The following NRK variants were observed in gnomAD, a reference collection of about 807,000 sequenced individuals.
The protein encoded by NRK is Nik related kinase.
Under a neutral mutation model 125.2 loss-of-function variants are expected in NRK, and 67 were observed. The ratio of observed to expected loss-of-function variants is 0.54; its 90% CI spans 0.44 to 0.66. The LOEUF (loss-of-function observed/expected upper bound fraction) is 0.66, where lower values mean the gene tolerates loss of function less well. Among genes scored for constraint, NRK ranks in the 30% least tolerant of loss-of-function variants. The pLI is 0.00. For synonymous variants in NRK, 458 were observed against 429.0 expected (o/e 1.07, Z -0.84); for missense variants, 1,224 against 1,192.9 (o/e 1.03, Z -0.38).
At chrX:105,907,058 A>G (rs1056157786) in intron 11 of NRK, 2 of 110,936 alleles carry the variant, frequency 1.8e-5, no homozygotes, top group African/African-American at 6.6e-5. Context: ...TGTGCACCAT[A>G]CAAAGCTTGT....
At chrX:105,878,132 C>G (rs1040014397) in intron 2 of NRK, among the ~76,000 whole-genome samples, 2 of 110,415 alleles carry the variant, frequency 1.8e-5, no homozygotes, top group African/African-American at 6.6e-5. Flanking sequence ...TTTGTGCATA[C>G]AGATGTGGAA....
intron 2 of NRK, among the ~76,000 whole-genome samples, chrX:105,833,868 A>G (rs147883385): frequency 0.015 from 1,626 of 111,103 alleles, 11 homozygotes; most frequent in Non-Finnish European, 0.02. Context: ...TGGTTTCCCA[A>G]CTGGTGTACT....
In NRK at chrX:105,936,435, A is replaced by G. The variant is rs12686868; in HGVS notation, c.3656-1004A>G. Reference sequence around the variant, plus strand: ...TAAAAGATTATAGTAAAAATTGGCTATACTTCTTCCTCCTTCTCTGATTCC... The same window carrying G: ...TAAAAGATTATAGTAAAAATTGGCTGTACTTCTTCCTCCTTCTCTGATTCC... On this transcript the variant is annotated intron_variant, in intron 21 of 28. Coordinates refer to ENST00000243300, the MANE Select transcript of NRK (RefSeq NM_198465.4). Among the ~76,000 whole-genome samples the G allele has an allele frequency of 9.5e-4, 106 of 112,007 alleles. No homozygotes were observed. The East Asian group carries it at 0.021, about 22-fold the overall frequency.
intron 7 of NRK, among the ~76,000 whole-genome samples, chrX:105,896,888 G>T (rs2040091045): frequency 9.0e-6 from 1 of 111,540 alleles, no homozygotes; most frequent in Non-Finnish European, 1.9e-5. Context: ...AATACATGAA[G>T]GGCATACATA....
At chrX:105,823,500 G>C (rs776597359) in intron 1 of NRK, among the ~76,000 whole-genome samples, 11 of 110,147 alleles carry the variant, frequency 1.0e-4, no homozygotes, top group Non-Finnish European at 2.1e-4. Flanking sequence ...GAAAGAACTC[G>C]ACGCCTTTTG....
At chrX:105,919,536 A>G (rs5916744) in intron 16 of NRK, among the ~76,000 whole-genome samples, 15,886 of 111,418 alleles carry the variant, frequency 0.14, 1,010 homozygotes, top group South Asian at 0.29. Context: ...TCAAATGCTC[A>G]GTAGTCATGG....
intron 2 of NRK, among the ~76,000 whole-genome samples, chrX:105,833,816 A>G (rs1415228620): frequency 9.0e-6 from 1 of 111,246 alleles, no homozygotes; most frequent in Non-Finnish European, 1.9e-5. Flanking sequence ...TCTTAAACTA[A>G]TCACAGTCTA....
chrX:105,823,572 A>C (rs1392406394), intron 1 of NRK, among the ~76,000 whole-genome samples: 2 of 109,670 alleles, frequency 1.8e-5, no homozygotes, highest in African/African-American at 6.7e-5. Context: ...TCCTTACCCA[A>C]CCAGATTTAG....
chrX:105,869,549 C>T (rs1503198), intron 2 of NRK, among the ~76,000 whole-genome samples: 12,743 of 110,826 alleles, frequency 0.11, 1,816 homozygotes, highest in African/African-American at 0.4. Flanking sequence ...TCTAAAGTGC[C>T]TTTGAGTACT....
intron 2 of NRK, among the ~76,000 whole-genome samples, chrX:105,870,040 C>T (rs1220152443): frequency 1.8e-5 from 2 of 111,036 alleles, no homozygotes; most frequent in Non-Finnish European, 3.8e-5. Context: ...CCCAGACAAA[C>T]CTTAAAAGGA....
intron 16 of NRK, 62 bp from the exon 17 acceptor site, chrX:105,921,902 A>G (rs1440170675): frequency 2.6e-5 from 14 of 542,773 alleles, no homozygotes; most frequent in Non-Finnish European, 3.2e-6. Context: ...CTGATACACT[A>G]TACATATGAA....
intron 21 of NRK, among the ~76,000 whole-genome samples, chrX:105,937,041 A>G (rs905823706): frequency 3.6e-5 from 4 of 110,542 alleles, no homozygotes; most frequent in African/African-American, 1.3e-4. Context: ...TGATTTTGAT[A>G]AAGTTCAGAA....
At chrX:105,853,709 A>T (rs1028440576) in intron 2 of NRK, among the ~76,000 whole-genome samples, 1 of 112,282 alleles carries the variant, frequency 8.9e-6, no homozygotes, top group African/African-American at 3.2e-5. Flanking sequence ...CTTAGGATAT[A>T]TAGATTTGAG....
intron 2 of NRK, among the ~76,000 whole-genome samples, chrX:105,855,727 A>T (rs1414076832): frequency 8.9e-6 from 1 of 112,086 alleles, no homozygotes; most frequent in Non-Finnish European, 1.9e-5. Flanking sequence ...ACCACTGTAG[A>T]TGCCATATAT....
intron 1 of NRK, among the ~76,000 whole-genome samples, chrX:105,828,289 AGATG>A (rs1273929057): frequency 8.9e-6 from 1 of 112,102 alleles, no homozygotes; most frequent in Non-Finnish European, 1.9e-5. Flanking sequence ...TGAGTATGAA[AGATG>A]GTTTGGTCAT....
Position 105,909,241 on chromosome X carries a change from C to T in NRK, c.1600C>T (p.Gln534Ter). 8.3e-7 allele frequency: 1 copy of T among 1,209,695 alleles called. No individual in the cohort carries two copies. Among genetic ancestry groups the T allele is most frequent in the Admixed American group, 2.2e-5 (1 of 45,882 alleles). The part of the protein sequence containing the change: ...DQVPEQQRQG[Q>*]APEQQQRHNQ... ...GGTACCCGAACAACAAAGGCAGGGC[C>T]AGGCCCCTGAACAACAGCAGAGGCA... The change falls in exon 13 of 29, where the codon CAG becomes TAG. Residue 534 changes from glutamine to a stop codon, truncating the protein, a stop_gained. Coordinates refer to ENST00000243300, the MANE Select transcript of NRK (RefSeq NM_198465.4). LOFTEE classifies it high-confidence loss of function.
chrX:105,898,676 G>C lies in NRK; in HGVS notation c.673G>C (p.Asp225His), dbSNP rs1379867374. ...ATACTGGATGGCACCTGAGGTGATT[G>C]ACTGTGATGAGGACCCAAGACGCTC... ...TPYWMAPEVI[D>H]CDEDPRRSYD... The change falls in exon 8 of 29, where the codon GAC (aspartate) becomes CAC (histidine). Residue 225 changes from aspartate to histidine, a missense_variant. By Grantham distance (81) the Asp-to-His change is moderately conservative. Transcript: ENST00000243300. 8.3e-7 allele frequency: 1 copy of C among 1,198,291 alleles called. No individual in the cohort carries two copies. The highest frequency in any genetic ancestry group is 2.2e-5 in the Admixed American group (1 of 44,969).
chrX:105,831,444 C>T (rs1428905685), intron 2 of NRK, among the ~76,000 whole-genome samples: 1 of 112,195 alleles, frequency 8.9e-6, no homozygotes, highest in Non-Finnish European at 1.9e-5. Context: ...CCATACCATT[C>T]TAAATACTCA....
chrX:105,846,505 G>A (rs1291272994), intron 2 of NRK, among the ~76,000 whole-genome samples: 1 of 111,010 alleles, frequency 9.0e-6, no homozygotes, highest in African/African-American at 3.3e-5. Flanking sequence ...GTTCTTCGAG[G>A]ATAAATAACA....
Sources: allele counts gnomAD v4.1 joint callset (sites outside exome capture counted in the v4.1 genomes callset), GRCh38; gene constraint gnomAD v4.1.1; transcripts MANE v1.5; gene names NCBI Gene and HGNC (gene_info 2026-07-23, HGNC 2026-07-21).